The following PCCA variants were observed in gnomAD, a reference collection of about 807,000 sequenced individuals.
PCCA encodes propionyl-CoA carboxylase alpha chain, mitochondrial.
In PCCA, 74 loss-of-function variants were observed where a neutral mutation model predicts 101.3. The ratio of observed to expected loss-of-function variants is 0.73; its 90% CI spans 0.61 to 0.89. The LOEUF is 0.89. Ranked by LOEUF, PCCA falls within the 40% of genes least tolerant of loss-of-function variation. The pLI is 0.00. For missense variants in PCCA, 891 were observed against 907.0 expected, an observed-to-expected ratio of 0.98 and a Z score of 0.23; for synonymous variants, 294 against 313.6, an observed-to-expected ratio of 0.94 and a Z score of 0.66.
intron 4 of PCCA, among the ~76,000 whole-genome samples, chr13:100,141,398 C>CATTT (rs150344973): frequency 1.1e-4 from 16 of 152,022 alleles, no homozygotes; most frequent in African/African-American, 2.7e-4. Flanking sequence ...TTTTTTATTA[C>CATTT]ATTTATTTAT....
chr13:100,104,855 C>A (rs561179826), intron 2 of PCCA, among the ~76,000 whole-genome samples: 1 of 152,182 alleles, frequency 6.6e-6, no homozygotes, highest in Admixed American at 6.5e-5. Context: ...AGGTGTACGT[C>A]ACCATGCCCG....
chr13:100,448,040 C>T (rs992284677), intron 20 of PCCA, among the ~76,000 whole-genome samples: 1 of 152,204 alleles, frequency 6.6e-6, no homozygotes, highest in Non-Finnish European at 1.5e-5. Context: ...TAATACTCTA[C>T]ATCTGGGAAC....
chr13:100,515,559 GGAGAC>G lies in PCCA; in HGVS notation c.2034_2038del (p.Asp679GlyfsTer11), dbSNP rs1421297510. ...GGTGGTGGCCGTCTCTGTCAAGCCT[GGAGAC>G]GCGGTAAGGGCTGTGTGTGTCTCTC... is the stretch of plus-strand genomic sequence containing the variant. On this transcript the variant is annotated frameshift_variant, in exon 22 of 24. Transcript: ENST00000376285. LOFTEE classifies it high-confidence loss of function. The G allele has an allele frequency of 6.2e-7, 1 of 1,613,774 alleles. No homozygotes were observed. Among genetic ancestry groups the G allele is most frequent in the South Asian group, 1.1e-5 (1 of 91,082 alleles).
chr13:100,384,289 G>C (rs191963228), intron 19 of PCCA, among the ~76,000 whole-genome samples: 22 of 152,296 alleles, frequency 1.4e-4, no homozygotes, highest in Non-Finnish European at 2.9e-4. Context: ...GCCTCCCAAA[G>C]TTTTGGGATT....
At chr13:100,403,525 G>T (rs1363752391) in intron 19 of PCCA, among the ~76,000 whole-genome samples, 1 of 152,134 alleles carries the variant, frequency 6.6e-6, no homozygotes, top group Non-Finnish European at 1.5e-5. Flanking sequence ...GAGCGGGGGT[G>T]GGGATGTGCC....
At chr13:100,127,013 C>T (rs1053636209) in intron 4 of PCCA, among the ~76,000 whole-genome samples, 6 of 152,162 alleles carry the variant, frequency 3.9e-5, no homozygotes, top group African/African-American at 1.4e-4. Flanking sequence ...GTGCTGTGAG[C>T]TCAGCAGGTT....
intron 2 of PCCA, among the ~76,000 whole-genome samples, chr13:100,104,274 A>G (rs540912860): frequency 6.6e-6 from 1 of 152,196 alleles, no homozygotes; most frequent in African/African-American, 2.4e-5. Flanking sequence ...GGAGGAAGAA[A>G]GAGTCTACAT....
chr13:100,489,856 A>T (rs545657942), intron 21 of PCCA: 8 of 152,334 alleles, frequency 5.3e-5, no homozygotes, highest in African/African-American at 1.9e-4. Flanking sequence ...GTGGAAGTCT[A>T]TGGGGAAGGT....
chr13:100,113,091 C>T (rs1029829198), intron 4 of PCCA, among the ~76,000 whole-genome samples: 4 of 152,126 alleles, frequency 2.6e-5, no homozygotes, highest in African/African-American at 7.2e-5. Flanking sequence ...AGAAATGCAT[C>T]GTTAGGTGAA....
At chr13:100,187,463 A>G (rs980915544) in intron 6 of PCCA, among the ~76,000 whole-genome samples, 1 of 152,182 alleles carries the variant, frequency 6.6e-6, no homozygotes, top group Non-Finnish European at 1.5e-5. Context: ...AAGGTGGGGA[A>G]TAATACATTA....
chr13:100,467,650 G>C lies in PCCA; in HGVS notation c.1899+18345G>C, dbSNP rs186138738. Among the ~76,000 whole-genome samples, 150 of 152,332 alleles carry C rather than the reference G, an allele frequency of 9.8e-4. 2 individuals carry two copies. Among genetic ancestry groups the C allele is most frequent in the African/African-American group, 3.4e-3 (142 of 41,568 alleles). On this transcript the variant is annotated intron_variant, in intron 21 of 23. Transcript: ENST00000376285. ...CTCCCAAAGTGCTGGGATTACAGGC[G>C]TGAGCCACCGCGCCTGGCATCAAGT... is the stretch of plus-strand genomic sequence containing the variant.
intron 20 of PCCA, among the ~76,000 whole-genome samples, chr13:100,441,983 TTTTTTC>T (rs1418055681): frequency 1.7e-5 from 2 of 116,160 alleles, no homozygotes; most frequent in South Asian, 4.0e-4. Context: ...TTCTTTTTCC[TTTTTTC>T]TTTTTTTTTT....
intron 9 of PCCA, among the ~76,000 whole-genome samples, chr13:100,261,911 A>G (rs979234284): frequency 1.3e-5 from 2 of 152,206 alleles, no homozygotes; most frequent in South Asian, 2.1e-4. Context: ...TGGATGTTCA[A>G]TCTCAATGAG....
At chr13:100,484,445 C>T (rs1320859354) in intron 21 of PCCA, among the ~76,000 whole-genome samples, 2 of 152,208 alleles carry the variant, frequency 1.3e-5, no homozygotes, top group Non-Finnish European at 2.9e-5. Context: ...AGTAGAGAAA[C>T]TCATCAGACT....
At chr13:100,225,974 T>A (rs2060125036) in intron 7 of PCCA, among the ~76,000 whole-genome samples, 1 of 152,060 alleles carries the variant, frequency 6.6e-6, no homozygotes, top group Non-Finnish European at 1.5e-5. Flanking sequence ...GTGTTTTTAG[T>A]AGAGATAGGG....
chr13:100,128,826 C>A lies in PCCA; in HGVS notation c.300+16765C>A, dbSNP rs2050214638. 2.6e-5 allele frequency among the ~76,000 whole-genome samples: 4 copies of A among 152,298 alleles called. No homozygotes were observed. The South Asian group carries it at 8.3e-4, about 32-fold the overall frequency. On this transcript the variant is annotated intron_variant, in intron 4 of 23. Transcript: ENST00000376285. ...TTTTAATCTCCTAGTTTTCTCTCTA[C>A]TTCTGTGGCCCTCCTCTGTGTCCCC...
chr13:100,447,271 C>T (rs368202832), intron 20 of PCCA, among the ~76,000 whole-genome samples: 63 of 151,916 alleles, frequency 4.1e-4, no homozygotes, highest in African/African-American at 1.3e-3. Flanking sequence ...ATAGTCCCAG[C>T]TACTTGGGAG....
At position 100,500,178 on chromosome 13, in the gene PCCA, A is replaced by C. The variant is rs79221909; in HGVS notation, c.1900-15249A>C. On this transcript the variant is annotated intron_variant, in intron 21 of 23. Coordinates refer to ENST00000376285, the MANE Select transcript of PCCA (RefSeq NM_000282.4). ...GGCGATCAGTGTTAAAATGGATGGA[A>C]TCACCAGGCTCTCCACATTCTAGTA... is the stretch of plus-strand genomic sequence containing the variant. Among the ~76,000 whole-genome samples the C allele has an allele frequency of 1.5e-3, 236 of 152,276 alleles. 5 individuals carry two copies. The East Asian group carries it at 0.041, about 27-fold the overall frequency.
chr13:100,191,970 A>G (rs1186619798), intron 6 of PCCA, among the ~76,000 whole-genome samples: 1 of 152,234 alleles, frequency 6.6e-6, no homozygotes, highest in Non-Finnish European at 1.5e-5. Flanking sequence ...TCTGGTTGGA[A>G]TTATTGAGAA....
Sources: gnomAD v4.1 joint callset for allele counts (sites outside exome capture counted in the v4.1 genomes callset) on GRCh38, gnomAD v4.1.1 for gene constraint, MANE v1.5 for transcripts, NCBI Gene and HGNC (gene_info 2026-07-23, HGNC 2026-07-21) for gene names.